SLCO1A2: variants seen among roughly 807,000 people sequenced by gnomAD.
The protein encoded by SLCO1A2 is OATP-1.
A neutral mutation model predicts 69.0 loss-of-function variants in SLCO1A2; 67 were observed. The ratio of observed to expected loss-of-function variants is 0.97; its 90% CI spans 0.80 to 1.19. SLCO1A2 has a LOEUF of 1.19. SLCO1A2 is among the 50% of genes most tolerant of loss of function. The pLI is 0.00. For missense variants in SLCO1A2, 787 were observed against 793.7 expected (o/e 0.99, Z 0.10); for synonymous variants, 260 against 265.9 (o/e 0.98, Z 0.22).
At chr12:21,300,702 A>T (rs547926948) in intron 7 of SLCO1A2, 133 bp from the exon 8 acceptor site, 5 of 650,244 alleles carry the variant, frequency 7.7e-6, no homozygotes, top group Non-Finnish European at 1.2e-5. Flanking sequence ...CACTGATAAA[A>T]TTTTTCTAAT....
intron 1 of SLCO1A2, among the ~76,000 whole-genome samples, chr12:21,386,342 A>G (rs1940877741): frequency 6.6e-6 from 1 of 152,202 alleles, no homozygotes; most frequent in Non-Finnish European, 1.5e-5. Context: ...CCCTTAGCAT[A>G]TAACAATCCC....
At chr12:21,406,186 CTGTG>C (rs751175691) in intron 1 of SLCO1A2, among the ~76,000 whole-genome samples, 2 of 151,768 alleles carry the variant, frequency 1.3e-5, no homozygotes, top group African/African-American at 4.8e-5. Flanking sequence ...GTCTGTGTGT[CTGTG>C]TGTGTGTGTA....
intron 2 of SLCO1A2, among the ~76,000 whole-genome samples, chr12:21,364,574 A>T (rs1939215155): frequency 6.6e-6 from 1 of 152,182 alleles, no homozygotes; most frequent in Non-Finnish European, 1.5e-5. Flanking sequence ...AAAGAAATAA[A>T]GGGTATTCAA....
At chr12:21,326,190 C>T (rs1477019803) in intron 2 of SLCO1A2, among the ~76,000 whole-genome samples, 2 of 152,178 alleles carry the variant, frequency 1.3e-5, no homozygotes, top group African/African-American at 2.4e-5. Flanking sequence ...CTGCATCTTC[C>T]ATCATGACTG....
chr12:21,361,864 G>A (rs547947364), intron 2 of SLCO1A2, among the ~76,000 whole-genome samples: 4 of 152,204 alleles, frequency 2.6e-5, no homozygotes, highest in Non-Finnish European at 5.9e-5. Context: ...AAAAAGAAAT[G>A]AACAAAGCCT....
At chr12:21,342,233 A>G in intron 2 of SLCO1A2, among the ~76,000 whole-genome samples, 1 of 151,960 alleles carries the variant, frequency 6.6e-6, no homozygotes. Flanking sequence ...AATTTCATTC[A>G]CCTATTCAAA....
At chr12:21,322,062 CT>C (rs1443287406) in intron 2 of SLCO1A2, among the ~76,000 whole-genome samples, 4 of 152,172 alleles carry the variant, frequency 2.6e-5, no homozygotes, top group Non-Finnish European at 5.9e-5. Context: ...TCAAAAACAT[CT>C]TGAAGAAATC....
In SLCO1A2 at chr12:21,295,608, G is replaced by A; in HGVS notation, c.1260C>T (p.Thr420=). ...AGAAAACAACATACCCTTCATAAGAGGTATTTATTCCAACAACTGAAGAAT... is the reference window on the plus strand; with the variant it reads ...AGAAAACAACATACCCTTCATAAGAAGTATTTATTCCAACAACTGAAGAAT... ...CENSSVVGIN[T]SYEGIPQDLY... is the part of the protein sequence containing the mutation. Residue 420 remains threonine (T), a synonymous_variant, in exon 10 of 15, where the codon ACC becomes ACT. Transcript: ENST00000683939. The A allele has an allele frequency of 6.4e-7, 1 of 1,569,704 alleles. No individual in the cohort carries two copies. The highest frequency in any genetic ancestry group is 8.8e-7 in the Non-Finnish European group (1 of 1,141,046).
Position 21,288,011 on chromosome 12 carries a change from T to TAA in SLCO1A2, c.1610+4151_1610+4152dup, listed in dbSNP as rs59000175. On this transcript the variant is annotated intron_variant, in intron 12 of 14. Coordinates refer to ENST00000683939, the MANE Select transcript of SLCO1A2 (RefSeq NM_001386879.1). ...ATGTACCCTAAAACTTAAAGTATAA[T>TAA]AAAAAAAAAAAAAAAAAAAGAATGA... 7.9e-4 allele frequency among the ~76,000 whole-genome samples: 81 copies of TAA among 102,940 alleles called. 2 individuals are homozygous for TAA. In the East Asian group the frequency reaches 0.011, roughly 14 times the overall value. The allele number at this position is 102,940 out of a possible 152,430, so 67.5% of individuals were successfully genotyped here.
At position 21,275,383 on chromosome 12, in the gene SLCO1A2, T is replaced by G; in HGVS notation, c.1652A>C (p.His551Pro). 6.4e-7 allele frequency: 1 copy of G among 1,560,378 alleles called. No individual in the cohort carries two copies. Among genetic ancestry groups the G allele is most frequent in the Non-Finnish European group, 8.7e-7 (1 of 1,144,584 alleles). The change falls in exon 13 of 15, where the codon CAT (histidine) becomes CCT (proline). Residue 551 changes from histidine to proline, a missense_variant. Physicochemically the swap from His to Pro is moderately conservative, Grantham distance 77. Coordinates refer to ENST00000683939, the MANE Select transcript of SLCO1A2 (RefSeq NM_001386879.1). ...ACCAAATACTCTTGTGCAAAATGTA[T>G]GTAATCCCACACCAAGGGACTTCTC... Reference protein sequence around the residue: ...SEEKSLGVGLHTFCTRVFAGI... With the variant: ...SEEKSLGVGLPTFCTRVFAGI...
chr12:21,338,324 C>T (rs1339800643), upstream of SLCO1A2, among the ~76,000 whole-genome samples: 2 of 151,860 alleles, frequency 1.3e-5, no homozygotes, highest in East Asian at 3.9e-4. Context: ...GAATCCCTCA[C>T]TCTTGATATC....
At chr12:21,408,446 T>C (rs997231325) in intron 1 of SLCO1A2, among the ~76,000 whole-genome samples, 1 of 152,134 alleles carries the variant, frequency 6.6e-6, no homozygotes, top group Non-Finnish European at 1.5e-5. Context: ...ACTCCCAATA[T>C]TCAATGCGAT....
At chr12:21,313,935 G>A (rs547301113) in intron 4 of SLCO1A2, among the ~76,000 whole-genome samples, 58 of 150,990 alleles carry the variant, frequency 3.8e-4, no homozygotes, top group African/African-American at 1.4e-3. Flanking sequence ...CTGCACTCCA[G>A]CCTAGGTGAC....
At chr12:21,365,448 A>T (rs1027570347) in intron 2 of SLCO1A2, among the ~76,000 whole-genome samples, 1 of 152,214 alleles carries the variant, frequency 6.6e-6, no homozygotes, top group Non-Finnish European at 1.5e-5. Context: ...AAAACCCTAG[A>T]AGAAAACCTA....
At chr12:21,417,542 A>T (rs1289307707) in intron 1 of SLCO1A2, among the ~76,000 whole-genome samples, 3 of 151,388 alleles carry the variant, frequency 2.0e-5, no homozygotes, top group Non-Finnish European at 2.9e-5. Context: ...AAAAGAGGGG[A>T]ATTTGGAAAT....
intron 4 of SLCO1A2, among the ~76,000 whole-genome samples, chr12:21,312,045 AGAAGAG>A (rs1445852472): frequency 3.3e-5 from 5 of 150,182 alleles, no homozygotes; most frequent in African/African-American, 5.0e-5. Flanking sequence ...AAGAGGAAGA[AGAAGAG>A]GAGGAGAAGA....
At chr12:21,418,533 G>C (rs1354960950), upstream of SLCO1A2, among the ~76,000 whole-genome samples, 8 of 152,242 alleles carry the variant, frequency 5.3e-5, no homozygotes, top group Admixed American at 4.6e-4. Context: ...AAGGCAAAAG[G>C]CATGTCTTAG....
At chr12:21,338,990 T>C (rs1449244125), upstream of SLCO1A2, among the ~76,000 whole-genome samples, 2 of 151,976 alleles carry the variant, frequency 1.3e-5, no homozygotes, top group African/African-American at 2.4e-5. Flanking sequence ...TTGTGAGCTG[T>C]TTAAACTCTT....
At chr12:21,413,777 G>A (rs934034522) in intron 1 of SLCO1A2, among the ~76,000 whole-genome samples, 1 of 151,996 alleles carries the variant, frequency 6.6e-6, no homozygotes, top group Admixed American at 6.6e-5. Context: ...GACCCATCTC[G>A]GGTCGACAAT....
Sources: allele counts gnomAD v4.1 joint callset (sites outside exome capture counted in the v4.1 genomes callset), GRCh38; gene constraint gnomAD v4.1.1; transcripts MANE v1.5; gene names NCBI Gene and HGNC (gene_info 2026-07-23, HGNC 2026-07-21).